PTPRG: variants seen among roughly 807,000 people sequenced by gnomAD.
The protein encoded by PTPRG is protein tyrosine phosphatase receptor type G, also known as receptor-type tyrosine-protein phosphatase gamma.
Under a neutral mutation model 165.3 loss-of-function variants are expected in PTPRG, and 102 were observed. The ratio of observed to expected loss-of-function variants is 0.62; its 90% CI spans 0.53 to 0.73. PTPRG has a LOEUF of 0.73. Among genes scored for constraint, PTPRG ranks in the 30% least tolerant of loss-of-function variants. The probability of loss-of-function intolerance (pLI) is 0.00; values close to 1 mark genes in which losing one functional copy is unlikely to be tolerated. For missense variants in PTPRG, 1,866 were observed against 1,861.4 expected (o/e 1.00, Z -0.05); for synonymous variants, 675 against 669.5 (o/e 1.01, Z -0.13).
In PTPRG at chr3:61,652,016, T is replaced by C. The variant is rs1411312677; in HGVS notation, c.85+89644T>C. On this transcript the variant is annotated intron_variant, in intron 1 of 29. Coordinates refer to ENST00000474889, the MANE Select transcript of PTPRG (RefSeq NM_002841.4). ...CACAGCGAGACTTCATCTCAATATA[T>C]ATATAAAAGTAGGCCAGGCGCAGTA... 2.0e-5 allele frequency among the ~76,000 whole-genome samples: 3 copies of C among 149,264 alleles called. No individual in the cohort carries two copies. In the East Asian group the frequency reaches 6.0e-4, roughly 30 times the overall value.
At chr3:61,884,750 C>T (rs2037983264) in intron 2 of PTPRG, among the ~76,000 whole-genome samples, 1 of 152,114 alleles carries the variant, frequency 6.6e-6, no homozygotes, top group African/African-American at 2.4e-5. Flanking sequence ...GTTTATTTAC[C>T]TTTCAAGGGC....
rs541139115 is a variant in PTPRG, at chr3:61,714,626, T to C, written c.86-34252T>C. ...ATCCAGGCTCTTTCTCAAGTTGTGT[T>C]CTTAGAGAAAGGTGGGGCCTTTTAC... On this transcript the variant is annotated intron_variant, in intron 1 of 29. Transcript: ENST00000474889. 6.6e-5 allele frequency among the ~76,000 whole-genome samples: 10 copies of C among 152,288 alleles called. No homozygotes were observed. The South Asian group carries it at 2.1e-3, about 32-fold the overall frequency.
chr3:62,267,906 C>A, intron 19 of PTPRG, 87 bp downstream of exon 19: 2 of 1,461,072 alleles, frequency 1.4e-6, no homozygotes, highest in Non-Finnish European at 1.9e-6. Flanking sequence ...AGGAACTTGA[C>A]AAGGTATAAA....
chr3:62,033,457 G>A (rs1178506305), intron 4 of PTPRG, among the ~76,000 whole-genome samples: 4 of 146,558 alleles, frequency 2.7e-5, no homozygotes, highest in South Asian at 4.3e-4. Context: ...TCAACCTCCC[G>A]GGCCCAAGTG....
At position 61,989,909 on chromosome 3, in the gene PTPRG, C is replaced by A. The variant is rs2040845031; in HGVS notation, c.370+105C>A. The A allele has an allele frequency of 4.8e-6, 6 of 1,239,872 alleles. No homozygotes were observed. The Admixed American group carries it at 6.8e-5, about 14-fold the overall frequency. The allele number at this position is 1,239,872 out of a possible 1,614,324, so 76.8% of individuals were successfully genotyped here. The stretch of plus-strand genomic sequence containing the variant: ...CTTGCTCCTTAAATAGTGCACATTG[C>A]TGTGGGGAGCCTAAATCAGTCCTTA... On this transcript the variant is annotated intron_variant, in intron 3 of 29. Transcript: ENST00000474889.
intron 5 of PTPRG, among the ~76,000 whole-genome samples, chr3:62,111,197 T>G (rs1173251204): frequency 6.6e-6 from 1 of 152,216 alleles, no homozygotes; most frequent in East Asian, 1.9e-4. Context: ...GCATTTCTTG[T>G]AGAGAAGTTA....
chr3:61,833,753 C>T (rs925952469), intron 2 of PTPRG, among the ~76,000 whole-genome samples: 8 of 151,942 alleles, frequency 5.3e-5, no homozygotes, highest in South Asian at 2.1e-4. Flanking sequence ...TTAGTAGAGA[C>T]GGGGTTTCAG....
intron 1 of PTPRG, among the ~76,000 whole-genome samples, chr3:61,694,008 CAAAA>C (rs1163062978): frequency 3.1e-5 from 2 of 65,480 alleles, no homozygotes; most frequent in Non-Finnish European, 3.2e-5. Context: ...ACTCCATCTC[CAAAA>C]AAAAAAAAAA....
At chr3:62,243,920 T>A in intron 15 of PTPRG, 22 bp downstream of exon 15, 1 of 1,304,350 alleles carries the variant, frequency 7.7e-7, no homozygotes, top group East Asian at 2.3e-5. Context: ...ACTGCTCTTA[T>A]TTCCAATGGG....
intron 2 of PTPRG, among the ~76,000 whole-genome samples, chr3:61,772,439 A>G (rs1371637621): frequency 6.6e-6 from 1 of 152,030 alleles, no homozygotes; most frequent in Non-Finnish European, 1.5e-5. Flanking sequence ...TATATTTTAT[A>G]AAGTATAAAA....
intron 4 of PTPRG, among the ~76,000 whole-genome samples, chr3:62,047,874 G>A (rs1011471245): frequency 6.6e-6 from 1 of 152,054 alleles, no homozygotes; most frequent in African/African-American, 2.4e-5. Flanking sequence ...ACAGATTTCA[G>A]GTTTACATTT....
chr3:62,043,075 G>A (rs141493963), intron 4 of PTPRG, among the ~76,000 whole-genome samples: 1 of 152,262 alleles, frequency 6.6e-6, no homozygotes, highest in African/African-American at 2.4e-5. Context: ...CTAAGTTGGG[G>A]TAAGTTCATC....
chr3:61,790,869 G>C (rs1022179767), intron 2 of PTPRG, among the ~76,000 whole-genome samples: 1 of 151,960 alleles, frequency 6.6e-6, no homozygotes, highest in African/African-American at 2.4e-5. Flanking sequence ...TAGGTACAAG[G>C]ATTGATTTGT....
At chr3:62,057,020 C>T (rs544773302) in intron 4 of PTPRG, among the ~76,000 whole-genome samples, 13 of 152,218 alleles carry the variant, frequency 8.5e-5, no homozygotes, top group Non-Finnish European at 1.6e-4. Flanking sequence ...TTGGAATAAA[C>T]GGGAGATAAA....
intron 1 of PTPRG, among the ~76,000 whole-genome samples, chr3:61,654,818 G>A (rs1274202862): frequency 7.9e-6 from 1 of 126,876 alleles, no homozygotes; most frequent in Non-Finnish European, 1.6e-5. Flanking sequence ...GTCTCACTCT[G>A]TCGCCCAGGC....
intron 4 of PTPRG, among the ~76,000 whole-genome samples, chr3:62,030,853 G>T (rs928031965): frequency 2.6e-5 from 4 of 152,184 alleles, no homozygotes; most frequent in African/African-American, 7.2e-5. Flanking sequence ...CTGGAATGGG[G>T]CAGGAACTTA....
chr3:61,828,979 A>G (rs537873634), intron 2 of PTPRG, among the ~76,000 whole-genome samples: 17 of 152,318 alleles, frequency 1.1e-4, no homozygotes, highest in African/African-American at 4.1e-4. Context: ...TCCAATATTT[A>G]AAGTGTAGGT....
At chr3:62,003,897 C>T (rs1199052801) in intron 4 of PTPRG, among the ~76,000 whole-genome samples, 1 of 152,190 alleles carries the variant, frequency 6.6e-6, no homozygotes, top group Non-Finnish European at 1.5e-5. Flanking sequence ...TCAGAACCTT[C>T]TCTTGGTAGC....
Position 61,874,270 on chromosome 3 carries a change from A to G in PTPRG, c.191-115355A>G, listed in dbSNP as rs79773765. Among the ~76,000 whole-genome samples, 189 of 152,264 alleles carry G rather than the reference A, an allele frequency of 1.2e-3. 3 individuals are homozygous for G. Among genetic ancestry groups the G allele is most frequent in the East Asian group, 6.9e-3 (36 of 5,180 alleles). On this transcript the variant is annotated intron_variant, in intron 2 of 29. Transcript: ENST00000474889. ...AGGGTGGCCTAAAAGCATTTGCTGGATCCCCTCAACCTCCTTTGGGAGGCT... is the reference window on the plus strand; with the variant it reads ...AGGGTGGCCTAAAAGCATTTGCTGGGTCCCCTCAACCTCCTTTGGGAGGCT...
Sources: allele counts gnomAD v4.1 joint callset (sites outside exome capture counted in the v4.1 genomes callset), GRCh38; gene constraint gnomAD v4.1.1; transcripts MANE v1.5; gene names NCBI Gene and HGNC (gene_info 2026-07-23, HGNC 2026-07-21).